The following CHRNA5 variants were observed in gnomAD, a reference collection of about 807,000 sequenced individuals.
CHRNA5 encodes the protein cholinergic receptor nicotinic alpha 5 subunit.
Under a neutral mutation model 41.2 loss-of-function variants are expected in CHRNA5, and 28 were observed. The observed-to-expected ratio is 0.68, with a 90% CI of 0.50 to 0.93. The LOEUF (loss-of-function observed/expected upper bound fraction) is 0.93, where lower values mean the gene tolerates loss of function less well. CHRNA5 is among the 40% of genes least tolerant of loss of function. The probability of loss-of-function intolerance (pLI) is 0.00; values close to 1 mark genes in which losing one functional copy is unlikely to be tolerated. For synonymous variants in CHRNA5, 188 were observed against 205.8 expected (o/e 0.91, Z 0.74); for missense variants, 481 against 581.9 (o/e 0.83, Z 1.78).
chr15:78,577,439 G>A (rs2052869140), intron 1 of CHRNA5, among the ~76,000 whole-genome samples: 1 of 152,182 alleles, frequency 6.6e-6, no homozygotes, highest in Admixed American at 6.5e-5. Flanking sequence ...GCTGTAAAGT[G>A]TCCTAAGAAA....
chr15:78,582,340 G>T (rs1181569835), intron 2 of CHRNA5, among the ~76,000 whole-genome samples: 1 of 151,990 alleles, frequency 6.6e-6, no homozygotes, highest in Non-Finnish European at 1.5e-5. Flanking sequence ...ACAAAAATTA[G>T]CTGGGCGGTG....
chr15:78,591,497 AT>A (rs36021319), intron 5 of CHRNA5, among the ~76,000 whole-genome samples: 4,840 of 152,250 alleles, frequency 0.032, 111 homozygotes, highest in Non-Finnish European at 0.05. Context: ...GACTATAGTA[AT>A]ATTTTCATAA....
At chr15:78,581,415 G>A (rs1267009227) in intron 2 of CHRNA5, among the ~76,000 whole-genome samples, 2 of 152,088 alleles carry the variant, frequency 1.3e-5, no homozygotes, top group East Asian at 1.9e-4. Flanking sequence ...TCTATATGAC[G>A]TTCATTAGTA....
At chr15:78,590,981 G>A (rs1455352080) in intron 5 of CHRNA5, 1 of 217,772 alleles carries the variant, frequency 4.6e-6, no homozygotes, top group Non-Finnish European at 9.0e-6. Flanking sequence ...TGAGGGCAGT[G>A]GGTGAACTGT....
chr15:78,572,003 A>G (rs1162728714), intron 1 of CHRNA5, among the ~76,000 whole-genome samples: 3 of 152,070 alleles, frequency 2.0e-5, no homozygotes, highest in Admixed American at 2.0e-4. Flanking sequence ...AAAAGAGTAC[A>G]AGTCACTTTT....
chr15:78,573,042 A>G (rs974156221), intron 1 of CHRNA5, among the ~76,000 whole-genome samples: 1 of 152,178 alleles, frequency 6.6e-6, no homozygotes, highest in Non-Finnish European at 1.5e-5. Flanking sequence ...TCCTAGTTCT[A>G]CTTCTGCTGC....
chr15:78,581,054 C>A, intron 2 of CHRNA5, 92 bp downstream of exon 2: 1 of 1,330,398 alleles, frequency 7.5e-7, no homozygotes, highest in South Asian at 1.4e-5. Flanking sequence ...CCAAGGATTA[C>A]AAAGGTGATT....
At chr15:78,587,868 A>AT (rs770900876) in intron 3 of CHRNA5, among the ~76,000 whole-genome samples, 4 of 152,184 alleles carry the variant, frequency 2.6e-5, no homozygotes, top group Non-Finnish European at 4.4e-5. Context: ...TGATCACAGA[A>AT]TTGTAACTGC....
At chr15:78,592,465 CT>C (rs1270167875) in intron 5 of CHRNA5, among the ~76,000 whole-genome samples, 1 of 152,156 alleles carries the variant, frequency 6.6e-6, no homozygotes, top group Non-Finnish European at 1.5e-5. Context: ...AGGAAATGGC[CT>C]TGTAGAAAGG....
exon 6 of CHRNA5, chr15:78,595,197 G>A (rs561797212): frequency 6.0e-5 from 44 of 738,506 alleles, no homozygotes; most frequent in Admixed American, 1.3e-4. Context: ...ACCTTAGTTC[G>A]TATACATCCC....
At chr15:78,592,804 T>G (rs1163048309) in intron 5 of CHRNA5, among the ~76,000 whole-genome samples, 1 of 152,202 alleles carries the variant, frequency 6.6e-6, no homozygotes, top group Non-Finnish European at 1.5e-5. Context: ...TTTTAGTTTA[T>G]TGTAAAATAT....
At chr15:78,565,611 C>T (rs2052738637) in exon 1 of CHRNA5, 1 of 257,272 alleles carries the variant, frequency 3.9e-6, no homozygotes, top group Non-Finnish European at 6.8e-6. Flanking sequence ...CTGCGTCTGC[C>T]CTCGTTTTGT....
chr15:78,585,905 C>T (rs1293928452), intron 2 of CHRNA5, among the ~76,000 whole-genome samples: 2 of 151,548 alleles, frequency 1.3e-5, no homozygotes, highest in East Asian at 1.9e-4. Flanking sequence ...GTGCCTCCGC[C>T]TCCTGAATAG....
At chr15:78,584,845 G>A (rs1450974062) in intron 2 of CHRNA5, among the ~76,000 whole-genome samples, 1 of 152,210 alleles carries the variant, frequency 6.6e-6, no homozygotes, top group Non-Finnish European at 1.5e-5. Context: ...TGCGACTAGG[G>A]TGGATAGCAG....
At chr15:78,570,533 G>T (rs1391910967) in intron 1 of CHRNA5, among the ~76,000 whole-genome samples, 1 of 148,952 alleles carries the variant, frequency 6.7e-6, no homozygotes, top group Non-Finnish European at 1.5e-5. Context: ...GCTTCGCAAA[G>T]TGCTGGGATT....
At position 78,567,481 on chromosome 15, in the gene CHRNA5, C is replaced by G. The variant is rs578233149; in HGVS notation, c.106+1656C>G. On this transcript the variant is annotated intron_variant, in intron 1 of 5. Transcript: ENST00000299565. ...CATTAAATAGTGTAAATAGCTATCTCCCTTCATGCATGGTGTTCAGTGTTA... is the reference window on the plus strand; with the variant it reads ...CATTAAATAGTGTAAATAGCTATCTGCCTTCATGCATGGTGTTCAGTGTTA... Among the ~76,000 whole-genome samples, 3 of 152,294 alleles carry G rather than the reference C, an allele frequency of 2.0e-5. No homozygotes were observed. In the South Asian group the frequency reaches 6.2e-4, roughly 32 times the overall value.
chr15:78,582,490 AAAAAAG>A (rs1375114177), intron 2 of CHRNA5, among the ~76,000 whole-genome samples: 1 of 137,848 alleles, frequency 7.3e-6, no homozygotes, highest in African/African-American at 2.6e-5. Flanking sequence ...GTCTCAAAAA[AAAAAAG>A]AAAAGAAAAG....
At chr15:78,582,491 AAAAAG>A (rs201746041) in intron 2 of CHRNA5, among the ~76,000 whole-genome samples, 5,644 of 88,578 alleles carry the variant, frequency 0.064, 330 homozygotes, top group African/African-American at 0.14. Context: ...TCTCAAAAAA[AAAAAG>A]AAAAGAAAAG....
intron 5 of CHRNA5, among the ~76,000 whole-genome samples, chr15:78,592,254 A>G (rs895940994): frequency 2.6e-5 from 4 of 152,222 alleles, no homozygotes; most frequent in Non-Finnish European, 4.4e-5. Flanking sequence ...CTTGGGAGGC[A>G]GAGGTTGCAG....
Sources: allele counts gnomAD v4.1 joint callset (sites outside exome capture counted in the v4.1 genomes callset), GRCh38; gene constraint gnomAD v4.1.1; transcripts MANE v1.5; gene names NCBI Gene and HGNC (gene_info 2026-07-23, HGNC 2026-07-21).